The following TTC1 variants were observed in gnomAD, a reference collection of about 807,000 sequenced individuals.
The protein encoded by TTC1 is tetratricopeptide repeat domain 1, also known as tetratricopeptide repeat protein 1.
TTC1 carries 31 observed loss-of-function variants against 37.6 expected under a neutral mutation model. The observed-to-expected ratio is 0.82, with a 90% CI of 0.62 to 1.11. The LOEUF is 1.11. TTC1 is among the 50% of genes most tolerant of loss of function. The pLI, the probability that TTC1 is intolerant of heterozygous loss-of-function variation, is 0.00. For synonymous variants in TTC1, 127 were observed against 122.4 expected (o/e 1.04, Z -0.25); for missense variants, 351 against 339.0 (o/e 1.04, Z -0.28).
chr5:160,020,201 C>G (rs948551406), intron 2 of TTC1, among the ~76,000 whole-genome samples: 2 of 152,154 alleles, frequency 1.3e-5, no homozygotes, highest in African/African-American at 4.8e-5. Context: ...TCTTTCATTT[C>G]TAATAGGCAT....
chr5:160,024,745 C>T (rs1017097514), intron 2 of TTC1, among the ~76,000 whole-genome samples: 4 of 151,944 alleles, frequency 2.6e-5, no homozygotes, highest in Non-Finnish European at 5.9e-5. Flanking sequence ...GATGCTACCA[C>T]CTCAAGAGTA....
At chr5:160,042,862 A>C (rs894234125) in intron 4 of TTC1, among the ~76,000 whole-genome samples, 4 of 152,244 alleles carry the variant, frequency 2.6e-5, no homozygotes, top group African/African-American at 9.6e-5. Context: ...AGTGTCTTGC[A>C]AATGTAATAG....
At chr5:160,055,126 G>C (rs1480806040) in intron 7 of TTC1, among the ~76,000 whole-genome samples, 1 of 152,164 alleles carries the variant, frequency 6.6e-6, no homozygotes, top group East Asian at 1.9e-4. Flanking sequence ...CTCCAAACAA[G>C]CTTTGATTCC....
Position 160,010,816 on chromosome 5 carries a change from C to T in TTC1, c.288C>T (p.Tyr96=). 6.2e-7 allele frequency: 1 copy of T among 1,613,240 alleles called. No individual in the cohort carries two copies. Residue 96 remains tyrosine, a synonymous_variant, in exon 2 of 8, where the codon TAC becomes TAT. Transcript: ENST00000231238. ...ATTCCTCTGAACTAGATGAAGAATACCTAATAGAACTGGAAAAAAACATGT... is the reference window on the plus strand; with the variant it reads ...ATTCCTCTGAACTAGATGAAGAATATCTAATAGAACTGGAAAAAAACATGT... ...DVNSSELDEE[Y]LIELEKNMSD...
intron 4 of TTC1, among the ~76,000 whole-genome samples, chr5:160,037,965 G>T (rs1057409717): frequency 6.6e-6 from 1 of 151,986 alleles, no homozygotes; most frequent in South Asian, 2.1e-4. Context: ...ATTCTCAAAT[G>T]CCTCTACCAC....
chr5:160,037,430 T>C (rs995916449), intron 4 of TTC1, among the ~76,000 whole-genome samples: 2 of 152,154 alleles, frequency 1.3e-5, no homozygotes, highest in Non-Finnish European at 2.9e-5. Context: ...AAAAGTTAGA[T>C]TTGGGCCAGA....
In TTC1 at chr5:160,045,181, A is replaced by G. The variant is rs543353522; in HGVS notation, c.541+2012A>G. ...AAAATGCCTTGTAAGCGTGATTAGC[A>G]TGGTATGTTGTAAGAAATAGTTCAT... On this transcript the variant is annotated intron_variant, in intron 5 of 7. Coordinates refer to ENST00000231238, the MANE Select transcript of TTC1 (RefSeq NM_003314.3). Among the ~76,000 whole-genome samples the G allele has an allele frequency of 2.6e-5, 4 of 152,236 alleles. No homozygotes were observed. In the South Asian group the frequency reaches 8.3e-4, roughly 32 times the overall value.
chr5:160,064,516 A>T (rs149015492), intron 7 of TTC1, among the ~76,000 whole-genome samples: 32 of 152,284 alleles, frequency 2.1e-4, no homozygotes, highest in African/African-American at 6.7e-4. Context: ...TAGAGAGAAG[A>T]GACTTGGAGG....
chr5:160,037,642 G>C (rs914238816), intron 4 of TTC1, among the ~76,000 whole-genome samples: 2 of 152,170 alleles, frequency 1.3e-5, no homozygotes, highest in African/African-American at 4.8e-5. Flanking sequence ...CTGAAGCCTG[G>C]AGGCAGAGGT....
intron 7 of TTC1, 39 bp downstream of exon 7, chr5:160,051,222 A>G (rs1178001682): frequency 1.9e-6 from 3 of 1,557,276 alleles, no homozygotes. Flanking sequence ...ATAAACAGCT[A>G]GGAACCTAGG....
intron 7 of TTC1, among the ~76,000 whole-genome samples, chr5:160,053,066 A>G (rs1003927728): frequency 6.6e-6 from 1 of 152,182 alleles, no homozygotes; most frequent in Non-Finnish European, 1.5e-5. Flanking sequence ...CACTCTTTAC[A>G]TGGAATTTCA....
intron 4 of TTC1, among the ~76,000 whole-genome samples, chr5:160,041,991 G>A (rs1450130704): frequency 3.3e-5 from 5 of 151,920 alleles, no homozygotes; most frequent in Non-Finnish European, 7.4e-5. Context: ...GTGCAGTGTC[G>A]TGAACTCAAC....
chr5:160,011,488 G>A (rs1227267329), intron 2 of TTC1, among the ~76,000 whole-genome samples: 2 of 152,068 alleles, frequency 1.3e-5, no homozygotes, highest in Non-Finnish European at 2.9e-5. Flanking sequence ...CAGCTTAGAG[G>A]GATGAAGTAA....
At chr5:160,036,603 T>C in intron 3 of TTC1, 88 bp from the exon 4 acceptor site, 1 of 887,266 alleles carries the variant, frequency 1.1e-6, no homozygotes, top group Non-Finnish European at 1.8e-6. Flanking sequence ...ATCCTATGAA[T>C]GGAAAACAGT....
intron 2 of TTC1, among the ~76,000 whole-genome samples, chr5:160,020,557 G>A (rs1284567116): frequency 5.3e-5 from 8 of 152,342 alleles, no homozygotes; most frequent in Non-Finnish European, 8.8e-5. Context: ...GCTAGTGAGC[G>A]AAGCTTCATC....
Position 160,027,128 on chromosome 5 carries a change from C to G in TTC1, c.331-8012C>G, listed in dbSNP as rs545950711. ...ACTGCGGCCTCCACCTCCCTGGGCT[C>G]AGGTGATCCTCCCACCTCAGCCTCC... On this transcript the variant is annotated intron_variant, in intron 2 of 7. Coordinates refer to ENST00000231238, the MANE Select transcript of TTC1 (RefSeq NM_003314.3). 3.3e-5 allele frequency among the ~76,000 whole-genome samples: 5 copies of G among 151,890 alleles called. No individual in the cohort carries two copies. In the South Asian group the frequency reaches 1.0e-3, roughly 32 times the overall value.
At chr5:160,050,669 A>G (rs1282480107) in intron 6 of TTC1, among the ~76,000 whole-genome samples, 1 of 141,496 alleles carries the variant, frequency 7.1e-6, no homozygotes, top group East Asian at 2.1e-4. Flanking sequence ...TCTGACTCCC[A>G]GGCTGGAGAG....
intron 2 of TTC1, 57 bp downstream of exon 2, chr5:160,010,915 G>T: frequency 1.3e-6 from 2 of 1,498,826 alleles, no homozygotes; most frequent in East Asian, 4.5e-5. Flanking sequence ...TTAAAATGTG[G>T]TCGATACTGT....
intron 7 of TTC1, among the ~76,000 whole-genome samples, chr5:160,060,501 T>C (rs1757669703): frequency 6.6e-6 from 1 of 152,182 alleles, no homozygotes; most frequent in South Asian, 2.1e-4. Context: ...TGTGGACATA[T>C]TCAGGCTGAG....
Sources: gnomAD v4.1 joint callset for allele counts (sites outside exome capture counted in the v4.1 genomes callset) on GRCh38, gnomAD v4.1.1 for gene constraint, MANE v1.5 for transcripts, NCBI Gene and HGNC (gene_info 2026-07-23, HGNC 2026-07-21) for gene names.